CNTLN: variants seen among roughly 807,000 people sequenced by gnomAD.
CNTLN encodes the protein centlein, also known as centlein, centrosomal protein.
In CNTLN, 212 loss-of-function variants were observed where a neutral mutation model predicts 180.0. That is an observed-to-expected ratio of 1.18 (90% confidence interval 1.05 to 1.32). CNTLN has a LOEUF of 1.32. Ranked by LOEUF, CNTLN falls within the 40% of genes most tolerant of loss-of-function variation. The probability of loss-of-function intolerance (pLI) is 0.00; values close to 1 mark genes in which losing one functional copy is unlikely to be tolerated. For synonymous variants in CNTLN, 722 were observed against 563.1 expected (o/e 1.28, Z -3.99); for missense variants, 2,095 against 1,610.9 (o/e 1.30, Z -5.14).
intron 13 of CNTLN, among the ~76,000 whole-genome samples, chr9:17,374,761 T>G (rs1477864066): frequency 6.6e-6 from 1 of 151,716 alleles, no homozygotes; most frequent in Admixed American, 6.6e-5. Context: ...CTTGGGAGGC[T>G]GAGACAAGAG....
intron 12 of CNTLN, among the ~76,000 whole-genome samples, chr9:17,349,529 C>T (rs966638160): frequency 4.6e-5 from 7 of 152,026 alleles, no homozygotes; most frequent in South Asian, 4.1e-4. Flanking sequence ...GACAACTGTA[C>T]ATCAATTTAC....
rs559695550 is a variant in CNTLN, at chr9:17,354,795, C to G, written c.1887-11822C>G. ...CAACCCGCTCCAGTCCCCTTCCACACTGTGGAAGCTTTGTTCTTTCGCTCT... is the reference window on the plus strand; with the variant it reads ...CAACCCGCTCCAGTCCCCTTCCACAGTGTGGAAGCTTTGTTCTTTCGCTCT... On this transcript the variant is annotated intron_variant, in intron 12 of 25. Transcript: ENST00000380647. Among the ~76,000 whole-genome samples the G allele has an allele frequency of 2.8e-4, 42 of 152,220 alleles. 1 individual carries two copies. The highest frequency in any genetic ancestry group is 9.9e-4 in the African/African-American group (41 of 41,552).
chr9:17,177,898 T>C (rs924910966), intron 2 of CNTLN, among the ~76,000 whole-genome samples: 2 of 152,156 alleles, frequency 1.3e-5, no homozygotes, highest in African/African-American at 4.8e-5. Flanking sequence ...TTTTATTCTC[T>C]TATCTGGCCC....
intron 23 of CNTLN, among the ~76,000 whole-genome samples, chr9:17,471,698 A>C (rs1832049132): frequency 6.6e-6 from 1 of 152,040 alleles, no homozygotes; most frequent in Non-Finnish European, 1.5e-5. Context: ...AGCAAATGAT[A>C]ATTTACAGGG....
chr9:17,177,887 C>G (rs532143682), intron 2 of CNTLN, among the ~76,000 whole-genome samples: 16 of 152,234 alleles, frequency 1.1e-4, no homozygotes, highest in Middle Eastern at 3.4e-3. Context: ...GGCAGCGGTG[C>G]TTTTATTCTC....
intron 5 of CNTLN, among the ~76,000 whole-genome samples, chr9:17,237,392 CA>C (rs1311348773): frequency 3.5e-5 from 5 of 143,578 alleles, no homozygotes; most frequent in African/African-American, 1.3e-4. Context: ...CACACACACA[CA>C]CACACACACA....
In CNTLN at chr9:17,308,959, A is replaced by G. The variant is rs983649804; in HGVS notation, c.1147-99A>G. The G allele has an allele frequency of 6.0e-6, 4 of 662,222 alleles. No individual in the cohort carries two copies. The South Asian group carries it at 1.5e-4, about 24-fold the overall frequency. 41.0% of individuals were successfully genotyped at this position (662,222 alleles called of 1,614,324 possible). A position where few individuals can be genotyped will look rare whatever the true frequency, so the allele number is the denominator to read the frequency against. ...TAACCTGAGGGCAAGAACTGTGTTT[A>G]TACAGTTCATATGTATATATACACA... is the stretch of plus-strand genomic sequence containing the variant. On this transcript the variant is annotated intron_variant, in intron 7 of 25. Transcript: ENST00000380647.
intron 12 of CNTLN, among the ~76,000 whole-genome samples, chr9:17,360,029 CATT>C (rs1159408079): frequency 1.3e-5 from 2 of 152,054 alleles, no homozygotes; most frequent in South Asian, 2.1e-4. Flanking sequence ...AAGCTTGCAT[CATT>C]ATGGATATTT....
intron 25 of CNTLN, among the ~76,000 whole-genome samples, chr9:17,492,770 A>G (rs140546592): frequency 1.8e-3 from 277 of 152,300 alleles, no homozygotes; most frequent in African/African-American, 6.3e-3. Flanking sequence ...AGGAACTCAA[A>G]CAGATATTTG....
chr9:17,512,927 C>T, the CNTLN span, among the ~76,000 whole-genome samples: 1 of 152,034 alleles, frequency 6.6e-6, no homozygotes, highest in Non-Finnish European at 1.5e-5. Flanking sequence ...CGCCATTGTC[C>T]TGCCTCAGCG....
At chr9:17,428,746 A>G (rs1587969451) in intron 18 of CNTLN, among the ~76,000 whole-genome samples, 1 of 152,094 alleles carries the variant, frequency 6.6e-6, no homozygotes, top group African/African-American at 2.4e-5. Flanking sequence ...TTCTGACTCT[A>G]ACTAGTAGGC....
At chr9:17,330,324 T>C (rs1003874106) in intron 8 of CNTLN, among the ~76,000 whole-genome samples, 2 of 152,066 alleles carry the variant, frequency 1.3e-5, no homozygotes, top group African/African-American at 4.8e-5. Context: ...TAATCAGAAA[T>C]TTGAAATGAC....
chr9:17,359,415 A>G (rs140238929), intron 12 of CNTLN, among the ~76,000 whole-genome samples: 1,686 of 152,186 alleles, frequency 0.011, 18 homozygotes, highest in Middle Eastern at 0.041. Flanking sequence ...ATTAAAAAAT[A>G]CCATTAAACG....
intron 2 of CNTLN, among the ~76,000 whole-genome samples, chr9:17,203,674 A>G (rs940277405): frequency 1.3e-5 from 2 of 152,084 alleles, no homozygotes; most frequent in African/African-American, 2.4e-5. Context: ...CTCCTGCCTC[A>G]GCCTCCTGAG....
chr9:17,325,457 G>T (rs1022507426), intron 8 of CNTLN, among the ~76,000 whole-genome samples: 2 of 149,686 alleles, frequency 1.3e-5, no homozygotes, highest in African/African-American at 4.9e-5. Context: ...TTCCCAGAGG[G>T]TTTGAATTAG....
chr9:17,496,813 G>A (rs1477842593), intron 25 of CNTLN, among the ~76,000 whole-genome samples: 3 of 152,086 alleles, frequency 2.0e-5, no homozygotes, highest in Admixed American at 6.6e-5. Flanking sequence ...AGTCATGAAG[G>A]AGCATACAAG....
chr9:17,137,200 A>G (rs1257709936), intron 1 of CNTLN, among the ~76,000 whole-genome samples: 2 of 152,228 alleles, frequency 1.3e-5, no homozygotes, highest in Non-Finnish European at 2.9e-5. Flanking sequence ...AGAGATGGTC[A>G]TAATAGTCTA....
intron 9 of CNTLN, among the ~76,000 whole-genome samples, chr9:17,332,079 C>G (rs1340588690): frequency 6.6e-6 from 1 of 152,006 alleles, no homozygotes; most frequent in African/African-American, 2.4e-5. Context: ...TAAACGTATT[C>G]TTGTCTCTAG....
intron 2 of CNTLN, among the ~76,000 whole-genome samples, chr9:17,205,434 C>T (rs1563878736): frequency 6.6e-6 from 1 of 152,176 alleles, no homozygotes; most frequent in Non-Finnish European, 1.5e-5. Flanking sequence ...GGAAGATTCA[C>T]CACCAGACTG....
Sources: allele counts gnomAD v4.1 joint callset (sites outside exome capture counted in the v4.1 genomes callset), GRCh38; gene constraint gnomAD v4.1.1; transcripts MANE v1.5; gene names NCBI Gene and HGNC (gene_info 2026-07-23, HGNC 2026-07-21).